Variants in PSMG2 observed in about 807,000 individuals in gnomAD.
PSMG2 encodes the protein proteasome assembly chaperone 2, also known as CD40 ligand-activated specific transcript 3.
Under a neutral mutation model 31.5 loss-of-function variants are expected in PSMG2, and 21 were observed. That is an observed-to-expected ratio of 0.67 (90% CI 0.47 to 0.96). The LOEUF (loss-of-function observed/expected upper bound fraction) is 0.96, where lower values mean the gene tolerates loss of function less well. Ranked by LOEUF, PSMG2 falls within the 40% of genes least tolerant of loss-of-function variation. The probability of loss-of-function intolerance (pLI) is 0.00; values close to 1 mark genes in which losing one functional copy is unlikely to be tolerated. For missense variants in PSMG2, 318 were observed against 321.2 expected (o/e 0.99, Z 0.08); for synonymous variants, 120 against 110.4 (o/e 1.09, Z -0.54).
chr18:12,702,271 G>A (rs56904159), upstream of PSMG2, among the ~76,000 whole-genome samples: 1 of 152,196 alleles, frequency 6.6e-6, no homozygotes, highest in Non-Finnish European at 1.5e-5. Flanking sequence ...TATCGCCCCA[G>A]ACTCTTGCTA....
intron 1 of PSMG2, among the ~76,000 whole-genome samples, chr18:12,688,973 G>A (rs556134141): frequency 6.6e-6 from 1 of 152,228 alleles, no homozygotes; most frequent in Middle Eastern, 3.4e-3. Flanking sequence ...AATTAGCCAG[G>A]CATGGTGGCA....
chr18:12,695,353 TATAAAC>T (rs772905210), intron 1 of PSMG2: 2 of 1,401,898 alleles, frequency 1.4e-6, no homozygotes, highest in African/African-American at 1.4e-5. Context: ...ATTCTGTGCC[TATAAAC>T]ATAAATATTT....
intron 1 of PSMG2, among the ~76,000 whole-genome samples, chr18:12,703,434 T>C (rs1488713441): frequency 6.6e-6 from 1 of 152,228 alleles, no homozygotes. Flanking sequence ...AGATACACTG[T>C]ACTTATGTTT....
chr18:12,715,721 G>A (rs2040370165), intron 3 of PSMG2, among the ~76,000 whole-genome samples: 2 of 152,082 alleles, frequency 1.3e-5, no homozygotes, highest in Admixed American at 1.3e-4. Context: ...GGCTAGGCTG[G>A]TCTCACACTC....
chr18:12,714,656 G>T (rs1188661862), intron 3 of PSMG2, among the ~76,000 whole-genome samples: 2 of 151,636 alleles, frequency 1.3e-5, no homozygotes, highest in Non-Finnish European at 2.9e-5. Context: ...ACCACACCCG[G>T]CTAATTTTTG....
rs2040438600 is a variant in PSMG2, at chr18:12,722,323, T to G, written c.581+1640T>G. Among the ~76,000 whole-genome samples, 3 of 152,270 alleles carry G rather than the reference T, an allele frequency of 2.0e-5. 1 individual carries two copies. The South Asian group carries it at 6.2e-4, about 32-fold the overall frequency. On this transcript the variant is annotated intron_variant, in intron 5 of 6. Coordinates refer to ENST00000317615, the MANE Select transcript of PSMG2 (RefSeq NM_020232.5). ...AGAAGGCAAATTTTAAGTCTACAGT[T>G]GCCTGGCTTTCTGCTTGAGATACTT...
At chr18:12,691,328 G>A in intron 1 of PSMG2, 1 of 1,408,196 alleles carries the variant, frequency 7.1e-7, no homozygotes, top group Non-Finnish European at 9.7e-7. Context: ...TCAAATACAG[G>A]CATAAAATTA....
chr18:12,680,622 T>C (rs765528866), intron 1 of PSMG2: 12 of 1,099,468 alleles, frequency 1.1e-5, no homozygotes, highest in East Asian at 5.3e-5. Context: ...AAAAAACTTA[T>C]AACTTCATTT....
intron 1 of PSMG2, among the ~76,000 whole-genome samples, chr18:12,668,733 CCTTT>C (rs1420847227): frequency 8.0e-6 from 1 of 124,642 alleles, no homozygotes; most frequent in Non-Finnish European, 1.7e-5. Flanking sequence ...ACACTTTATT[CCTTT>C]TTTTTTTTTT....
chr18:12,689,702 G>C (rs1305738385), intron 1 of PSMG2, among the ~76,000 whole-genome samples: 1 of 152,022 alleles, frequency 6.6e-6, no homozygotes, highest in Non-Finnish European at 1.5e-5. Flanking sequence ...GTCCTCTCTA[G>C]TTCCTAATTC....
chr18:12,677,734 T>C (rs908232237), intron 1 of PSMG2, among the ~76,000 whole-genome samples: 5 of 152,126 alleles, frequency 3.3e-5, no homozygotes, highest in Non-Finnish European at 7.4e-5. Context: ...GCTGGGGTTA[T>C]AGGCATGAGC....
intron 1 of PSMG2, among the ~76,000 whole-genome samples, chr18:12,660,755 C>CT (rs557539097): frequency 3.0e-3 from 434 of 147,026 alleles, no homozygotes; most frequent in African/African-American, 0.01. Flanking sequence ...AACAGAAGGG[C>CT]TTTTTTTTTT....
chr18:12,702,187 G>A (rs1758299100), upstream of PSMG2, among the ~76,000 whole-genome samples: 1 of 151,930 alleles, frequency 6.6e-6, no homozygotes, highest in Non-Finnish European at 1.5e-5. Context: ...ACTTACACTC[G>A]ATCCGACTTC....
intron 1 of PSMG2, among the ~76,000 whole-genome samples, chr18:12,682,901 C>T (rs1247834994): frequency 6.6e-6 from 1 of 152,048 alleles, no homozygotes; most frequent in East Asian, 1.9e-4. Context: ...CGATTACAGG[C>T]ATGAGCCACT....
At chr18:12,687,115 A>G (rs910479429) in intron 1 of PSMG2, among the ~76,000 whole-genome samples, 1 of 152,190 alleles carries the variant, frequency 6.6e-6, no homozygotes, top group African/African-American at 2.4e-5. Flanking sequence ...ACCAAAGTCC[A>G]CAATCTCTTT....
chr18:12,724,789 C>G, intron 6 of PSMG2, 170 bp downstream of exon 6: 1 of 664,342 alleles, frequency 1.5e-6, no homozygotes, highest in South Asian at 5.8e-5. Context: ...GGACAGTTAA[C>G]CAACCTATTA....
At chr18:12,720,719 T>C (rs1487257138) in intron 5 of PSMG2, 36 bp downstream of exon 5, 2 of 1,581,968 alleles carry the variant, frequency 1.3e-6, no homozygotes, top group East Asian at 2.2e-5. Context: ...TTTCCCACTT[T>C]ACTTAAAAAT....
At chr18:12,702,295 T>C (rs1461611742), upstream of PSMG2, 1 of 551,800 alleles carries the variant, frequency 1.8e-6, no homozygotes, top group African/African-American at 2.0e-5. Flanking sequence ...CCTGCTCGGC[T>C]CGTTTTCTTT....
At chr18:12,702,775 A>C (rs1013602677), upstream of PSMG2, 3 of 578,744 alleles carry the variant, frequency 5.2e-6, no homozygotes, top group South Asian at 4.3e-5. Context: ...GCGGACAAAC[A>C]GGGCTTGGGG....
Sources: gnomAD v4.1 joint callset for allele counts (sites outside exome capture counted in the v4.1 genomes callset) on GRCh38, gnomAD v4.1.1 for gene constraint, MANE v1.5 for transcripts, NCBI Gene and HGNC (gene_info 2026-07-23, HGNC 2026-07-21) for gene names.